FAM184B: variants seen among roughly 807,000 people sequenced by gnomAD.
FAM184B encodes family with sequence similarity 184 member B.
In FAM184B, 111 loss-of-function variants were observed where a neutral mutation model predicts 135.9. That is an observed-to-expected ratio of 0.82 (90% confidence interval 0.70 to 0.96). FAM184B has a LOEUF of 0.96. FAM184B is among the 40% of genes least tolerant of loss of function. FAM184B has a pLI of 0.00. For synonymous variants in FAM184B, 552 were observed against 524.8 expected, an observed-to-expected ratio of 1.05 and a Z score of -0.71; for missense variants, 1,375 against 1,323.9, an observed-to-expected ratio of 1.04 and a Z score of -0.60.
intron 10 of FAM184B, 107 bp downstream of exon 10, chr4:17,658,243 G>A: frequency 3.0e-6 from 3 of 1,013,752 alleles, no homozygotes; most frequent in Non-Finnish European, 4.4e-6. Context: ...AATCTGGAAA[G>A]ATGCTCGGGG....
chr4:17,752,281 C>T (rs994365487), intron 1 of FAM184B, among the ~76,000 whole-genome samples: 1 of 151,980 alleles, frequency 6.6e-6, no homozygotes, highest in Admixed American at 6.6e-5. Context: ...GATCCCGTGT[C>T]TGACATGGGT....
chr4:17,705,239 T>G, intron 4 of FAM184B, 33 bp from the exon 5 acceptor site: 1 of 1,497,332 alleles, frequency 6.7e-7, no homozygotes, highest in Non-Finnish European at 9.1e-7. Flanking sequence ...GTAAAACCAC[T>G]GGGGAGGGGT....
At chr4:17,658,223 C>A (rs1401569118) in intron 10 of FAM184B, 127 bp downstream of exon 10, 4 of 903,134 alleles carry the variant, frequency 4.4e-6, no homozygotes, top group Non-Finnish European at 6.8e-6. Context: ...AAAGGGAATA[C>A]AATAATAACA....
chr4:17,668,756 G>A (rs1020280381), intron 7 of FAM184B, among the ~76,000 whole-genome samples: 1 of 152,066 alleles, frequency 6.6e-6, no homozygotes, highest in African/African-American at 2.4e-5. Flanking sequence ...GGCTGGTCTT[G>A]AACTCCTGAC....
At chr4:17,678,814 C>T (rs909537485) in intron 7 of FAM184B, among the ~76,000 whole-genome samples, 4 of 152,118 alleles carry the variant, frequency 2.6e-5, no homozygotes, top group African/African-American at 9.7e-5. Flanking sequence ...CAGCATGGTA[C>T]TGGTATAAAA....
intron 1 of FAM184B, among the ~76,000 whole-genome samples, chr4:17,777,635 T>C (rs1577299779): frequency 6.6e-6 from 1 of 152,180 alleles, no homozygotes; most frequent in African/African-American, 2.4e-5. Context: ...GACTGGCAAA[T>C]TGGAAGGCAA....
chr4:17,636,857 G>A (rs1160636094), intron 14 of FAM184B, among the ~76,000 whole-genome samples: 1 of 152,170 alleles, frequency 6.6e-6, no homozygotes, highest in South Asian at 2.1e-4. Context: ...GCAGGGCCAG[G>A]AAGCAAAGGC....
Position 17,781,422 on chromosome 4 carries a change from C to T in FAM184B, c.-123G>A, listed in dbSNP as rs1039777255. 7 of 1,175,896 alleles carry T rather than the reference C, an allele frequency of 6.0e-6. No homozygotes were observed. The African/African-American group carries it at 8.0e-5, about 14-fold the overall frequency. The allele number at this position is 1,175,896 out of a possible 1,614,324, so 72.8% of individuals were successfully genotyped here. The stretch of plus-strand genomic sequence containing the variant: ...GGGAGAGGTGGCACTGCAGTCCCGT[C>T]GCCTGCACCGCCGCGTGGCCCCAGC... On this transcript the variant is annotated 5_prime_UTR_variant, in exon 1 of 18. Coordinates refer to ENST00000265018, the MANE Select transcript of FAM184B (RefSeq NM_015688.2). The surrounding 1 kb of genome is among the most constrained non-coding windows in gnomAD (Gnocchi z 6.5).
At chr4:17,701,257 C>T (rs922855942) in intron 5 of FAM184B, among the ~76,000 whole-genome samples, 2 of 152,068 alleles carry the variant, frequency 1.3e-5, no homozygotes, top group African/African-American at 4.8e-5. Context: ...AGCGAGGACC[C>T]GAATGTTATA....
intron 1 of FAM184B, among the ~76,000 whole-genome samples, chr4:17,765,481 T>C (rs1292678104): frequency 6.6e-6 from 1 of 152,188 alleles, no homozygotes; most frequent in African/African-American, 2.4e-5. Context: ...AATGAGGGAT[T>C]ATCTCAACCT....
intron 1 of FAM184B, among the ~76,000 whole-genome samples, chr4:17,726,447 C>T (rs1253531246): frequency 1.3e-5 from 2 of 152,200 alleles, no homozygotes; most frequent in African/African-American, 4.8e-5. Context: ...TCTCAGCTCA[C>T]TGCAACCTCT....
At chr4:17,729,812 G>C (rs950405821) in intron 1 of FAM184B, among the ~76,000 whole-genome samples, 1 of 152,124 alleles carries the variant, frequency 6.6e-6, no homozygotes, top group South Asian at 2.1e-4. Flanking sequence ...ACAAAGATGG[G>C]GAAAAAACAG....
chr4:17,702,808 A>G (rs972016143), intron 5 of FAM184B, among the ~76,000 whole-genome samples: 3 of 152,238 alleles, frequency 2.0e-5, no homozygotes, highest in Admixed American at 6.5e-5. Flanking sequence ...GGCAACCTGT[A>G]GTTCTGCGAG....
intron 10 of FAM184B, among the ~76,000 whole-genome samples, chr4:17,658,096 G>C (rs1275840203): frequency 1.3e-5 from 2 of 152,186 alleles, no homozygotes; most frequent in African/African-American, 4.8e-5. Flanking sequence ...TCGCAAGCAG[G>C]TGGGGAAACG....
At chr4:17,651,108 T>C (rs1278440814) in intron 11 of FAM184B, among the ~76,000 whole-genome samples, 1 of 152,138 alleles carries the variant, frequency 6.6e-6, no homozygotes, top group Non-Finnish European at 1.5e-5. Flanking sequence ...TGATCTTTAG[T>C]GCTCAGCATG....
chr4:17,634,884 G>GT (rs3214318), intron 16 of FAM184B, 125 bp downstream of exon 16: 251,052 of 516,940 alleles, frequency 0.49, 47,362 homozygotes, highest in East Asian at 0.72. Context: ...AAACAAGTGG[G>GT]TTTTTTTTTT....
At chr4:17,675,396 T>C (rs1232950691) in intron 7 of FAM184B, among the ~76,000 whole-genome samples, 1 of 152,202 alleles carries the variant, frequency 6.6e-6, no homozygotes, top group African/African-American at 2.4e-5. Context: ...AAAAAACAGA[T>C]GTGCTATCAT....
intron 1 of FAM184B, among the ~76,000 whole-genome samples, chr4:17,711,374 A>T (rs527435224): frequency 6.6e-6 from 1 of 152,170 alleles, no homozygotes; most frequent in African/African-American, 2.4e-5. Context: ...GCTACTGGGG[A>T]GGCCGAGGGA....
At chr4:17,700,185 C>T (rs1383893945) in intron 5 of FAM184B, among the ~76,000 whole-genome samples, 4 of 152,112 alleles carry the variant, frequency 2.6e-5, no homozygotes, top group African/African-American at 9.7e-5. Flanking sequence ...AGATGGTACA[C>T]TTAATGATAA....
Sources: gnomAD v4.1 joint callset for allele counts (sites outside exome capture counted in the v4.1 genomes callset) on GRCh38, gnomAD v4.1.1 for gene constraint, Gnocchi (gnomAD v3.1) non-coding constraint, MANE v1.5 for transcripts, NCBI Gene and HGNC (gene_info 2026-07-23, HGNC 2026-07-21) for gene names.